The following DNAH9 variants were observed in gnomAD, a reference collection of about 807,000 sequenced individuals.
DNAH9 encodes dynein axonemal heavy chain 9.
Under a neutral mutation model 471.6 loss-of-function variants are expected in DNAH9, and 345 were observed. The ratio of observed to expected loss-of-function variants is 0.73; its 90% CI spans 0.67 to 0.80. DNAH9 has a LOEUF of 0.80. Among genes scored for constraint, DNAH9 ranks in the 30% least tolerant of loss-of-function variants. DNAH9 has a pLI of 0.00. For missense variants in DNAH9, 5,407 were observed against 5,609.2 expected, an observed-to-expected ratio of 0.96 and a Z score of 1.15; for synonymous variants, 2,093 against 2,123.6, an observed-to-expected ratio of 0.99 and a Z score of 0.40.
chr17:11,846,619 A>ATTT (rs1567844186), intron 49 of DNAH9, among the ~76,000 whole-genome samples: 1 of 141,850 alleles, frequency 7.0e-6, no homozygotes, highest in African/African-American at 2.7e-5. Flanking sequence ...CACGATATTG[A>ATTT]TTCTTCCTAC....
At chr17:11,886,755 AG>A in intron 56 of DNAH9, 69 bp from the exon 57 acceptor site, 1 of 1,536,938 alleles carries the variant, frequency 6.5e-7, no homozygotes, top group Non-Finnish European at 8.8e-7. Context: ...ACTCACACAG[AG>A]GGGCCAAGTT....
Position 11,902,794 on chromosome 17 carries a change from G to A in DNAH9, c.11482G>A (p.Val3828Met). 6.2e-7 allele frequency: 1 copy of A among 1,614,074 alleles called. No homozygotes were observed. Among genetic ancestry groups the A allele is most frequent in the Non-Finnish European group, 8.5e-7 (1 of 1,179,918 alleles). Residue 3828 changes from valine (V) to methionine (M), a missense_variant, in exon 60 of 69, where the codon GTG becomes ATG. Around this residue, in one of 3 missense-constraint regions of DNAH9, gnomAD observed 4,636 missense variants for 4,900.3 expected, o/e 0.95. Coordinates refer to ENST00000262442, the MANE Select transcript of DNAH9 (RefSeq NM_001372.4). ...EGSAKSWKKF[V>M]ESECPEKEKL... is the part of the protein sequence containing the mutation. ...ATCTGCTAAGAGCTGGAAAAAGTTT[G>A]TGGAGTCCGAATGTCCTGAGAAAGA...
intron 55 of DNAH9, 98 bp from the exon 56 acceptor site, chr17:11,883,488 A>G (rs1165374459): frequency 5.5e-6 from 8 of 1,442,184 alleles, no homozygotes; most frequent in African/African-American, 1.4e-5. Flanking sequence ...CCACTTTACT[A>G]TCTTTAAGGC....
At chr17:11,611,591 C>G (rs2072638230) in intron 3 of DNAH9, 59 bp from the exon 4 acceptor site, 19 of 1,568,026 alleles carry the variant, frequency 1.2e-5, no homozygotes, top group Admixed American at 1.0e-4. Context: ...TGGGTCATCA[C>G]AGTGTGACTT....
intron 12 of DNAH9, 101 bp from the exon 13 acceptor site, chr17:11,650,968 G>A: frequency 7.8e-7 from 1 of 1,275,074 alleles, no homozygotes. Flanking sequence ...AAAAGACCCA[G>A]AAGATCTTTG....
At chr17:11,687,865 A>T (rs907513698) in intron 19 of DNAH9, among the ~76,000 whole-genome samples, 1 of 151,810 alleles carries the variant, frequency 6.6e-6, no homozygotes, top group Non-Finnish European at 1.5e-5. Context: ...GCCGAGCGGG[A>T]TGGCTCATGC....
rs183721964 is a variant in DNAH9, at chr17:11,763,138, C to A, written c.6996-302C>A. ...TGCAGCCACCTGTGTTCCCCAGGTA[C>A]TGAGAGGGGATCATCAACAGAAAGA... On this transcript the variant is annotated intron_variant, in intron 35 of 68. Coordinates refer to ENST00000262442, the MANE Select transcript of DNAH9 (RefSeq NM_001372.4). 2.1e-3 allele frequency among the ~76,000 whole-genome samples: 325 copies of A among 151,924 alleles called. 13 individuals are homozygous for A. The highest frequency in any genetic ancestry group is 3.2e-4 in the Non-Finnish European group (22 of 67,994).
At chr17:11,772,718 G>T (rs554237369) in intron 38 of DNAH9, among the ~76,000 whole-genome samples, 1 of 152,226 alleles carries the variant, frequency 6.6e-6, no homozygotes, top group African/African-American at 2.4e-5. Flanking sequence ...ATGGCCTCTT[G>T]GTAACGTTAG....
chr17:11,703,414 A>G (rs1393937919), intron 24 of DNAH9, among the ~76,000 whole-genome samples: 1 of 152,176 alleles, frequency 6.6e-6, no homozygotes, highest in Non-Finnish European at 1.5e-5. Flanking sequence ...TACCTGTATC[A>G]GAATTTTGAG....
At chr17:11,942,707 G>A (rs954845205) in intron 67 of DNAH9, among the ~76,000 whole-genome samples, 2 of 152,088 alleles carry the variant, frequency 1.3e-5, no homozygotes, top group African/African-American at 4.8e-5. Flanking sequence ...TCGTCAACAA[G>A]GAAAGAGTCT....
chr17:11,914,562 G>C (rs1183672733), intron 61 of DNAH9, among the ~76,000 whole-genome samples: 3 of 151,892 alleles, frequency 2.0e-5, no homozygotes, highest in Non-Finnish European at 2.9e-5. Flanking sequence ...GGAATCCTTG[G>C]GTGTCTAAAA....
intron 28 of DNAH9, 156 bp downstream of exon 28, chr17:11,728,078 G>C: frequency 1.6e-6 from 1 of 607,022 alleles, no homozygotes; most frequent in South Asian, 2.1e-5. Flanking sequence ...AGGCTCCAGG[G>C]AAGCTGTCCT....
At chr17:11,627,860 C>T (rs531470048) in intron 6 of DNAH9, among the ~76,000 whole-genome samples, 45 of 152,264 alleles carry the variant, frequency 3.0e-4, no homozygotes, top group Admixed American at 4.6e-4. Context: ...AGCCATTGTC[C>T]CCACTTCCCA....
chr17:11,640,338 C>T lies in DNAH9; in HGVS notation c.1855C>T (p.Gln619Ter). 6.2e-7 allele frequency: 1 copy of T among 1,614,064 alleles called. No homozygotes were observed. Among genetic ancestry groups the T allele is most frequent in the Non-Finnish European group, 8.5e-7 (1 of 1,179,942 alleles). Residue 619 changes from glutamine to a stop codon, truncating the protein, a stop_gained, in exon 10 of 69, where the codon CAG becomes TAG. Transcript: ENST00000262442. LOFTEE classifies it high-confidence loss of function. ...GGLRWAQELRQRIQGPFSNFG... is the reference protein window; with the variant it reads ...GGLRWAQELR ...CCTCCGCTGGGCACAGGAGCTGAGG[C>T]AGCGCATCCAGGGTCCTTTCAGCAA...
At position 11,764,709 on chromosome 17, in the gene DNAH9, TA is replaced by T. The variant is rs113033959; in HGVS notation, c.7170+1106del. On this transcript the variant is annotated intron_variant, in intron 36 of 68. Transcript: ENST00000262442. ...GCAAATGGAAAGATTTCCTTTTTCTTAAAAAAAAAAATTGCGAAGAGGGAAG... is the reference window on the plus strand; with the variant it reads ...GCAAATGGAAAGATTTCCTTTTTCTTAAAAAAAAAATTGCGAAGAGGGAAG... Among the ~76,000 whole-genome samples, 41 of 148,702 alleles carry T rather than the reference TA, an allele frequency of 2.8e-4. No homozygotes were observed. The South Asian group carries it at 3.4e-3, about 12-fold the overall frequency.
intron 25 of DNAH9, among the ~76,000 whole-genome samples, chr17:11,704,668 C>T (rs1021828563): frequency 2.0e-5 from 3 of 151,872 alleles, no homozygotes; most frequent in East Asian, 3.9e-4. Flanking sequence ...ACCGCAACCT[C>T]CACCTCTCGG....
rs537867952 is a variant in DNAH9, at chr17:11,833,551, C to T, written c.9247-1087C>T. On this transcript the variant is annotated intron_variant, in intron 48 of 68. Transcript: ENST00000262442. ...GTTAGGGGAGCATGTTTGGCTTTCTCTGGGTGGTCCACAGTTGGAAGCAGG... is the reference window on the plus strand; with the variant it reads ...GTTAGGGGAGCATGTTTGGCTTTCTTTGGGTGGTCCACAGTTGGAAGCAGG... Among the ~76,000 whole-genome samples, 91 of 152,260 alleles carry T rather than the reference C, an allele frequency of 6.0e-4. 1 individual carries two copies. The highest frequency in any genetic ancestry group is 3.3e-3 in the South Asian group (16 of 4,820).
chr17:11,935,373 A>ATT (rs140943753), intron 65 of DNAH9, among the ~76,000 whole-genome samples: 1 of 140,398 alleles, frequency 7.1e-6, no homozygotes, highest in Non-Finnish European at 1.5e-5. Flanking sequence ...ATTCCAAAAG[A>ATT]TTTTTTTTTT....
chr17:11,650,253 G>T (rs186128762), intron 12 of DNAH9, among the ~76,000 whole-genome samples: 1 of 152,150 alleles, frequency 6.6e-6, no homozygotes, highest in Non-Finnish European at 1.5e-5. Flanking sequence ...TTCATATGAG[G>T]GGGAGATAGG....
Sources: gnomAD v4.1 joint callset for allele counts (sites outside exome capture counted in the v4.1 genomes callset) on GRCh38, gnomAD v4.1.1 for gene constraint, gnomAD v4.1.1 regional missense constraint, MANE v1.5 for transcripts, NCBI Gene and HGNC (gene_info 2026-07-23, HGNC 2026-07-21) for gene names.